The following EPHA6 variants were observed in gnomAD, a reference collection of about 807,000 sequenced individuals.
The protein encoded by EPHA6 is EPH receptor A6, also known as ephrin type-A receptor 6.
In EPHA6, 50 loss-of-function variants were observed where a neutral mutation model predicts 112.0. The observed-to-expected ratio is 0.45, with a 90% confidence interval of 0.36 to 0.56. The LOEUF (loss-of-function observed/expected upper bound fraction) is 0.56, where lower values mean the gene tolerates loss of function less well. Among genes scored for constraint, EPHA6 ranks in the 20% least tolerant of loss-of-function variants. The probability of loss-of-function intolerance (pLI) is 0.00; values close to 1 mark genes in which losing one functional copy is unlikely to be tolerated. For missense variants in EPHA6, 1,280 were observed against 1,417.4 expected (o/e 0.90, Z 1.56); for synonymous variants, 529 against 490.7 (o/e 1.08, Z -1.03).
At chr3:96,975,376 G>A (rs1349029990) in intron 2 of EPHA6, among the ~76,000 whole-genome samples, 2 of 152,070 alleles carry the variant, frequency 1.3e-5, no homozygotes, top group African/African-American at 4.8e-5. Context: ...TTTTTAAGAG[G>A]TCTTAACGTC....
chr3:97,414,288 C>A (rs1241750958), intron 6 of EPHA6, among the ~76,000 whole-genome samples: 1 of 151,968 alleles, frequency 6.6e-6, no homozygotes, highest in Non-Finnish European at 1.5e-5. Flanking sequence ...AACACTGAGG[C>A]ATTCCCCTGC....
intron 1 of EPHA6, among the ~76,000 whole-genome samples, chr3:96,833,334 A>G (rs1243539522): frequency 6.6e-6 from 1 of 151,600 alleles, no homozygotes; most frequent in Non-Finnish European, 1.5e-5. Flanking sequence ...AAGCCACACA[A>G]AAAACTAGGA....
At chr3:97,065,448 A>G (rs1488135954) in intron 3 of EPHA6, among the ~76,000 whole-genome samples, 1 of 152,144 alleles carries the variant, frequency 6.6e-6, no homozygotes, top group Non-Finnish European at 1.5e-5. Context: ...CTATCTCTTA[A>G]TAGGAAGATG....
chr3:97,379,159 C>T (rs947761772), intron 5 of EPHA6, among the ~76,000 whole-genome samples: 2 of 152,124 alleles, frequency 1.3e-5, no homozygotes, highest in African/African-American at 4.8e-5. Flanking sequence ...GAATAAGTCT[C>T]ACACTATCTG....
At chr3:97,098,885 A>G (rs1341716318) in intron 3 of EPHA6, among the ~76,000 whole-genome samples, 2 of 151,918 alleles carry the variant, frequency 1.3e-5, no homozygotes, top group Admixed American at 1.3e-4. Flanking sequence ...CAGCACTGCT[A>G]TCAGAGTACA....
chr3:97,544,553 C>G (rs2092917425), intron 11 of EPHA6, among the ~76,000 whole-genome samples: 1 of 152,110 alleles, frequency 6.6e-6, no homozygotes, highest in African/African-American at 2.4e-5. Flanking sequence ...CTAAAATTCT[C>G]TTTTTTTGTT....
chr3:97,262,440 A>G (rs2079535493), intron 5 of EPHA6, among the ~76,000 whole-genome samples: 3 of 152,200 alleles, frequency 2.0e-5, no homozygotes, highest in Admixed American at 2.0e-4. Flanking sequence ...GTTAAAAGAT[A>G]TATTTAATCA....
intron 3 of EPHA6, among the ~76,000 whole-genome samples, chr3:97,186,086 T>A (rs1030823047): frequency 7.2e-6 from 1 of 139,630 alleles, no homozygotes; most frequent in African/African-American, 2.5e-5. Flanking sequence ...GGGGGAGGGA[T>A]AGCATTTGGA....
rs975127236 is a variant in EPHA6 at position 96,912,383 on chromosome 3, C to G, written c.450+45494C>G. 2.0e-5 allele frequency among the ~76,000 whole-genome samples: 3 copies of G among 152,178 alleles called. No homozygotes were observed. The East Asian group carries it at 5.8e-4, about 29-fold the overall frequency. ...AGTATGCCATCATGAAATTTATACTCTAGCAGGAGATATTGAAAACAGGAG... is the reference window on the plus strand; with the variant it reads ...AGTATGCCATCATGAAATTTATACTGTAGCAGGAGATATTGAAAACAGGAG... On this transcript the variant is annotated intron_variant, in intron 2 of 17. Transcript: ENST00000389672.
intron 14 of EPHA6, among the ~76,000 whole-genome samples, chr3:97,674,533 A>G (rs2031168960): frequency 6.6e-6 from 1 of 152,204 alleles, no homozygotes; most frequent in South Asian, 2.1e-4. Context: ...TTCTCTAGAC[A>G]GTACTAGCTT....
At chr3:97,414,506 C>T (rs1426094603) in intron 6 of EPHA6, among the ~76,000 whole-genome samples, 2 of 152,126 alleles carry the variant, frequency 1.3e-5, no homozygotes, top group Non-Finnish European at 1.5e-5. Context: ...ACTATTACAA[C>T]GAAACTGTTT....
At chr3:97,351,627 A>G (rs2083818637) in intron 5 of EPHA6, among the ~76,000 whole-genome samples, 1 of 152,192 alleles carries the variant, frequency 6.6e-6, no homozygotes, top group Admixed American at 6.5e-5. Context: ...AATAGAAGCA[A>G]TCTACTGTGA....
chr3:97,462,514 C>G (rs1209423872), intron 7 of EPHA6, among the ~76,000 whole-genome samples: 1 of 152,098 alleles, frequency 6.6e-6, no homozygotes, highest in East Asian at 1.9e-4. Context: ...GCCACCTACT[C>G]CACTACAAAT....
chr3:97,678,653 G>T (rs1231834735), intron 14 of EPHA6, among the ~76,000 whole-genome samples: 2 of 152,146 alleles, frequency 1.3e-5, no homozygotes, highest in Non-Finnish European at 2.9e-5. Context: ...TCTAAATCTA[G>T]AGAGGTAAAG....
intron 12 of EPHA6, among the ~76,000 whole-genome samples, chr3:97,598,227 G>C (rs190103295): frequency 6.6e-6 from 1 of 151,100 alleles, no homozygotes; most frequent in African/African-American, 2.4e-5. Context: ...TTAAAAACAA[G>C]AGATGATTAA....
chr3:97,495,241 T>C (rs933581163), intron 10 of EPHA6, among the ~76,000 whole-genome samples: 13 of 151,450 alleles, frequency 8.6e-5, no homozygotes, highest in Non-Finnish European at 1.6e-4. Context: ...TTTATAGGTC[T>C]ACACTATATA....
chr3:97,378,192 A>C (rs2085487710), intron 5 of EPHA6, among the ~76,000 whole-genome samples: 1 of 152,110 alleles, frequency 6.6e-6, no homozygotes, highest in African/African-American at 2.4e-5. Context: ...ATGGCTGAAA[A>C]GTGCCACCAC....
At chr3:97,515,423 G>A (rs1163511765) in intron 10 of EPHA6, among the ~76,000 whole-genome samples, 1 of 152,194 alleles carries the variant, frequency 6.6e-6, no homozygotes, top group African/African-American at 2.4e-5. Context: ...AAGACATTGA[G>A]TAAGTTTCCC....
At chr3:96,832,237 A>G (rs2034130115) in intron 1 of EPHA6, among the ~76,000 whole-genome samples, 2 of 152,078 alleles carry the variant, frequency 1.3e-5, no homozygotes, top group African/African-American at 4.8e-5. Flanking sequence ...TTAGAAGTGA[A>G]TATGACTTTA....
Sources: gnomAD v4.1 joint callset for allele counts (sites outside exome capture counted in the v4.1 genomes callset) on GRCh38, gnomAD v4.1.1 for gene constraint, MANE v1.5 for transcripts, NCBI Gene and HGNC (gene_info 2026-07-23, HGNC 2026-07-21) for gene names.